Variants in DNAH11 observed in about 807,000 individuals in gnomAD.
DNAH11 encodes the protein dynein axonemal heavy chain 11.
In DNAH11, 442 loss-of-function variants were observed where a neutral mutation model predicts 526.0. The observed-to-expected ratio is 0.84, with a 90% confidence interval of 0.78 to 0.91. DNAH11 has a LOEUF of 0.91. Among genes scored for constraint, DNAH11 ranks in the 40% least tolerant of loss-of-function variants. The pLI is 0.00. For synonymous variants in DNAH11, 2,461 were observed against 1,935.9 expected, an observed-to-expected ratio of 1.27 and a Z score of -7.12; for missense variants, 6,989 against 5,448.7, an observed-to-expected ratio of 1.28 and a Z score of -8.90.
chr7:21,691,485 C>G (rs1002529252), intron 35 of DNAH11, among the ~76,000 whole-genome samples: 3 of 151,992 alleles, frequency 2.0e-5, no homozygotes, highest in African/African-American at 7.3e-5. Flanking sequence ...AGGGCCTAGC[C>G]CACTCTAGCC....
At chr7:21,874,392 A>G (rs1182241315) in intron 74 of DNAH11, among the ~76,000 whole-genome samples, 3 of 151,454 alleles carry the variant, frequency 2.0e-5, no homozygotes, top group Non-Finnish European at 4.4e-5. Context: ...CTGGAGTGCA[A>G]TGACATGATC....
At chr7:21,585,339 G>GA (rs1235271249) in intron 9 of DNAH11, among the ~76,000 whole-genome samples, 1 of 152,024 alleles carries the variant, frequency 6.6e-6, no homozygotes, top group Non-Finnish European at 1.5e-5. Flanking sequence ...AATGGCAGAG[G>GA]AAAAAATTAC....
chr7:21,758,265 C>G (rs1236041025), intron 54 of DNAH11, among the ~76,000 whole-genome samples: 1 of 152,176 alleles, frequency 6.6e-6, no homozygotes, highest in African/African-American at 2.4e-5. Flanking sequence ...ATGAAAAGAA[C>G]TTTAGAGAAA....
chr7:21,805,117 C>A (rs541249143), intron 62 of DNAH11, among the ~76,000 whole-genome samples: 2 of 152,268 alleles, frequency 1.3e-5, no homozygotes, highest in South Asian at 4.2e-4. Context: ...TTTTCTCTGA[C>A]CTCCCTACAT....
intron 6 of DNAH11, among the ~76,000 whole-genome samples, chr7:21,566,741 A>G (rs184408019): frequency 1.3e-5 from 2 of 152,300 alleles, no homozygotes; most frequent in Non-Finnish European, 2.9e-5. Flanking sequence ...GACCTAATAC[A>G]TGGTATGCTA....
chr7:21,544,823 G>A, intron 1 of DNAH11, among the ~76,000 whole-genome samples, 183 bp from the exon 2 acceptor site: 1 of 151,970 alleles, frequency 6.6e-6, no homozygotes, highest in Non-Finnish European at 1.5e-5. Flanking sequence ...CATTATAAAA[G>A]AACAAAGAAA....
intron 25 of DNAH11, among the ~76,000 whole-genome samples, chr7:21,627,396 A>G (rs112015466): frequency 0.034 from 5,130 of 152,238 alleles, 296 homozygotes; most frequent in African/African-American, 0.12. Context: ...TTCTTCTAGT[A>G]GTTTTATAGT....
At chr7:21,654,886 A>C (rs1194948624) in intron 28 of DNAH11, among the ~76,000 whole-genome samples, 1 of 152,166 alleles carries the variant, frequency 6.6e-6, no homozygotes, top group Non-Finnish European at 1.5e-5. Context: ...CATGACAAAA[A>C]CACAGGGCAG....
chr7:21,644,060 C>T (rs1168185493), intron 28 of DNAH11, among the ~76,000 whole-genome samples: 1 of 152,194 alleles, frequency 6.6e-6, no homozygotes, highest in Non-Finnish European at 1.5e-5. Flanking sequence ...CACCAATCTA[C>T]ACACAAGGAA....
chr7:21,559,079 A>T (rs1783337915), intron 3 of DNAH11, 81 bp downstream of exon 3: 4 of 1,234,066 alleles, frequency 3.2e-6, no homozygotes, highest in Non-Finnish European at 4.5e-6. Context: ...AATCCCAGCA[A>T]TTTGGAGGCT....
At chr7:21,839,996 C>G (rs956666978) in intron 65 of DNAH11, among the ~76,000 whole-genome samples, 1 of 152,068 alleles carries the variant, frequency 6.6e-6, no homozygotes, top group Admixed American at 6.5e-5. Context: ...ACATTAAAAC[C>G]AGTTGTCTCA....
At chr7:21,750,665 T>G (rs1786374001) in intron 54 of DNAH11, among the ~76,000 whole-genome samples, 1 of 152,104 alleles carries the variant, frequency 6.6e-6, no homozygotes, top group African/African-American at 2.4e-5. Flanking sequence ...TCATACAGTA[T>G]AAATATAAAC....
chr7:21,784,476 C>G lies in DNAH11; in HGVS notation c.9533C>G (p.Ala3178Gly). The G allele has an allele frequency of 1.2e-6, 2 of 1,613,518 alleles. No homozygotes were observed. The highest frequency in any genetic ancestry group is 2.7e-5 in the African/African-American group (2 of 75,002). The change falls in exon 58 of 82, where the codon GCT (alanine) becomes GGT (glycine). Residue 3178 changes from alanine (A) to glycine (G), a missense_variant. Transcript: ENST00000409508. ...EVFQKQRECE[A>G]DLLKAEPALV... ...TTCCAGAAACAGAGAGAATGTGAAG[C>G]TGACTTACTCAAGGCTGAGCCTGCA... is the stretch of plus-strand genomic sequence containing the variant.
intron 73 of DNAH11, among the ~76,000 whole-genome samples, chr7:21,872,138 A>AAAAAAACAAACAAAC (rs1554291069): frequency 0.035 from 4,540 of 128,934 alleles, 620 homozygotes; most frequent in African/African-American, 0.12. Flanking sequence ...AAAAAAAAAA[A>AAAAAAACAAACAAAC]AAAAAAAAAA....
chr7:21,845,127 C>T (rs922448869), intron 66 of DNAH11, among the ~76,000 whole-genome samples: 2 of 152,060 alleles, frequency 1.3e-5, no homozygotes, highest in African/African-American at 4.8e-5. Flanking sequence ...ATGTCAGACT[C>T]TTATTGGATA....
intron 45 of DNAH11, among the ~76,000 whole-genome samples, chr7:21,728,314 G>A (rs1785225889): frequency 8.1e-6 from 1 of 122,756 alleles, no homozygotes; most frequent in South Asian, 2.6e-4. Context: ...CTGGAGTGCA[G>A]TGGTGCAATC....
Position 21,787,579 on chromosome 7 carries a change from A to G in DNAH11, c.9920A>G (p.Tyr3307Cys), listed in dbSNP as rs769334713. The G allele has an allele frequency of 4.5e-5, 72 of 1,608,260 alleles. No individual in the cohort carries two copies. Among genetic ancestry groups the G allele is most frequent in the Non-Finnish European group, 4.8e-5 (57 of 1,177,344 alleles). The change falls in exon 60 of 82, where the codon TAT becomes TGT. Residue 3307 changes from tyrosine to cysteine, a missense_variant. Physicochemically the swap from Tyr to Cys is radical, Grantham distance 194. Transcript: ENST00000409508. The part of the protein sequence containing the change: ...CAWVINIIKF[Y>C]EVYCDVEPKR... Reference sequence around the variant, plus strand: ...TGGGTCATCAACATCATTAAATTCTATGAGGTATCAATCCTAAATTGATTG... The same window carrying G: ...TGGGTCATCAACATCATTAAATTCTGTGAGGTATCAATCCTAAATTGATTG...
chr7:21,589,593 A>G (rs115107482), intron 12 of DNAH11, among the ~76,000 whole-genome samples, 190 bp downstream of exon 12: 1,794 of 152,086 alleles, frequency 0.012, 33 homozygotes, highest in African/African-American at 0.04. Flanking sequence ...TACTCTATTA[A>G]TTTGTATTGT....
chr7:21,714,310 T>A (rs1179959230), intron 42 of DNAH11, among the ~76,000 whole-genome samples: 1 of 152,366 alleles, frequency 6.6e-6, no homozygotes, highest in Middle Eastern at 3.4e-3. Flanking sequence ...AATGGGTAGA[T>A]GTTAATTTTC....
Sources: gnomAD v4.1 joint callset for allele counts (sites outside exome capture counted in the v4.1 genomes callset) on GRCh38, gnomAD v4.1.1 for gene constraint, MANE v1.5 for transcripts, NCBI Gene and HGNC (gene_info 2026-07-23, HGNC 2026-07-21) for gene names.